Variants in MIER2 observed in about 807,000 individuals in gnomAD.
The protein encoded by MIER2 is MIER family member 2.
Under a neutral mutation model 67.6 loss-of-function variants are expected in MIER2, and 30 were observed. That is an observed-to-expected ratio of 0.44 (90% CI 0.33 to 0.60). The LOEUF is 0.60. MIER2 is among the 20% of genes least tolerant of loss of function. The probability of loss-of-function intolerance (pLI) is 0.02; values close to 1 mark genes in which losing one functional copy is unlikely to be tolerated. For synonymous variants in MIER2, 372 were observed against 312.6 expected, an observed-to-expected ratio of 1.19 and a Z score of -2.00; for missense variants, 702 against 745.1, an observed-to-expected ratio of 0.94 and a Z score of 0.67.
intron 7 of MIER2, 105 bp downstream of exon 7, chr19:325,530 G>A (rs1015439748): frequency 9.2e-6 from 12 of 1,300,468 alleles, no homozygotes; most frequent in East Asian, 2.3e-5. Context: ...CCCAGTGAGC[G>A]ATGCGGGGCG....
intron 7 of MIER2, among the ~76,000 whole-genome samples, chr19:320,436 C>G (rs1015599215): frequency 6.6e-6 from 1 of 151,550 alleles, no homozygotes; most frequent in Non-Finnish European, 1.5e-5. Flanking sequence ...AAAATAGATA[C>G]GTAAATAAAA....
At chr19:317,266 A>G (rs561087346) in intron 7 of MIER2, among the ~76,000 whole-genome samples, 14 of 144,018 alleles carry the variant, frequency 9.7e-5, no homozygotes, top group South Asian at 2.2e-4. Flanking sequence ...GGTGGCGGGC[A>G]CCTGTAATCC....
At chr19:307,058 T>C (rs1970681877) in intron 13 of MIER2, 61 bp downstream of exon 13, 2 of 1,507,086 alleles carry the variant, frequency 1.3e-6, no homozygotes, top group African/African-American at 2.8e-5. Flanking sequence ...CTGCTCAGCC[T>C]GAGGGCTGGG....
intron 7 of MIER2, among the ~76,000 whole-genome samples, chr19:318,827 C>T (rs1412633803): frequency 3.9e-5 from 6 of 152,016 alleles, no homozygotes; most frequent in East Asian, 3.9e-4. Flanking sequence ...GAGGCCGAGG[C>T]GGGCAGATCA....
intron 3 of MIER2, among the ~76,000 whole-genome samples, chr19:330,603 T>A (rs1229391626): frequency 6.7e-6 from 1 of 149,310 alleles, no homozygotes; most frequent in Non-Finnish European, 1.5e-5. Context: ...TGATATCAAC[T>A]GTTACAGTCA....
chr19:322,417 G>A (rs1170045067), intron 7 of MIER2, among the ~76,000 whole-genome samples: 1 of 152,004 alleles, frequency 6.6e-6, no homozygotes, highest in Admixed American at 6.6e-5. Context: ...GAGAGTCAAT[G>A]GGCAAACCAC....
At chr19:320,273 C>T (rs1257226027) in intron 7 of MIER2, among the ~76,000 whole-genome samples, 1 of 151,818 alleles carries the variant, frequency 6.6e-6, no homozygotes, top group South Asian at 2.1e-4. Context: ...CCCAGCTACT[C>T]GGGAGACTGC....
At chr19:316,839 T>C (rs531859182) in intron 7 of MIER2, among the ~76,000 whole-genome samples, 15 of 151,940 alleles carry the variant, frequency 9.9e-5, no homozygotes, top group Admixed American at 9.8e-4. Context: ...GATGGTGGCG[T>C]GTGCCTGTAG....
intron 1 of MIER2, chr19:340,748 G>A (rs892149062): frequency 1.3e-5 from 2 of 152,598 alleles, no homozygotes; most frequent in South Asian, 2.1e-4. Flanking sequence ...TGGCCCTGGA[G>A]TGACTCTGGC....
At chr19:340,769 C>T (rs1276445773) in intron 1 of MIER2, among the ~76,000 whole-genome samples, 1 of 152,128 alleles carries the variant, frequency 6.6e-6, no homozygotes, top group African/African-American at 2.4e-5. Flanking sequence ...AACAAGGCTG[C>T]CAAGGACCAA....
intron 9 of MIER2, 80 bp downstream of exon 9, chr19:312,111 G>A (rs970797832): frequency 8.8e-7 from 1 of 1,131,212 alleles, no homozygotes; most frequent in Non-Finnish European, 1.3e-6. Flanking sequence ...CGCAGCGGAA[G>A]GAAGGCCCAG....
At chr19:330,822 C>T (rs763810769) in intron 3 of MIER2, among the ~76,000 whole-genome samples, 2 of 152,288 alleles carry the variant, frequency 1.3e-5, no homozygotes, top group South Asian at 4.1e-4. Flanking sequence ...CTCTGCTGGA[C>T]CTTGATCATG....
At chr19:316,338 G>A (rs1450405790) in intron 7 of MIER2, among the ~76,000 whole-genome samples, 1 of 151,900 alleles carries the variant, frequency 6.6e-6, no homozygotes, top group Non-Finnish European at 1.5e-5. Context: ...TGTCCCCCAG[G>A]CTGGAGTGCA....
intron 1 of MIER2, chr19:340,404 G>T (rs947465033): frequency 1.3e-5 from 2 of 152,166 alleles, no homozygotes; most frequent in Non-Finnish European, 2.9e-5. Flanking sequence ...AACATCAACA[G>T]TTGATAAACA....
chr19:312,324 G>T (rs1971056552), intron 8 of MIER2, 52 bp from the exon 9 acceptor site: 4 of 1,565,062 alleles, frequency 2.6e-6, no homozygotes, highest in South Asian at 1.1e-5. Flanking sequence ...GGAGCCGACA[G>T]CAAGAACTGT....
chr19:325,584 C>G, intron 7 of MIER2, 51 bp downstream of exon 7: 1 of 1,602,808 alleles, frequency 6.2e-7, no homozygotes, highest in South Asian at 1.1e-5. Flanking sequence ...CCAGCCAGGC[C>G]ACTCCCCTTG....
At chr19:341,218 G>C (rs949766268) in intron 1 of MIER2, among the ~76,000 whole-genome samples, 1 of 152,194 alleles carries the variant, frequency 6.6e-6, no homozygotes, top group African/African-American at 2.4e-5. Context: ...CCCGCAACCA[G>C]GAGCCTGACT....
chr19:341,138 T>G (rs1030140206), intron 1 of MIER2, among the ~76,000 whole-genome samples: 6 of 152,228 alleles, frequency 3.9e-5, no homozygotes, highest in African/African-American at 1.4e-4. Flanking sequence ...TCTAGGACCC[T>G]CTGGGTAGGG....
rs997955861 is a variant in MIER2, at chr19:306,490, G to A, written c.*200C>T. ...CCGGGCGCTGACGGCGCTGGGTGGG[G>A]CCGTGGGTCCATTCTGTGTGGACAG... On this transcript the variant is annotated 3_prime_UTR_variant, in exon 14 of 14. Coordinates refer to ENST00000264819, the MANE Select transcript of MIER2 (RefSeq NM_017550.3). The A allele has an allele frequency of 2.8e-6, 2 of 716,758 alleles. No homozygotes were observed. The highest frequency in any genetic ancestry group is 3.6e-5 in the African/African-American group (2 of 55,962). 44.4% of individuals were successfully genotyped at this position (716,758 alleles called of 1,614,324 possible). A position where few individuals can be genotyped will look rare whatever the true frequency, so the allele number is the denominator to read the frequency against.
Sources: allele counts gnomAD v4.1 joint callset (sites outside exome capture counted in the v4.1 genomes callset), GRCh38; gene constraint gnomAD v4.1.1; transcripts MANE v1.5; gene names NCBI Gene and HGNC (gene_info 2026-07-23, HGNC 2026-07-21).